The following STXBP5 variants were observed in gnomAD, a reference collection of about 807,000 sequenced individuals.
STXBP5 encodes syntaxin-binding protein 5.
Under a neutral mutation model 152.4 loss-of-function variants are expected in STXBP5, and 50 were observed. The observed-to-expected ratio is 0.33, with a 90% CI of 0.26 to 0.42. The LOEUF (loss-of-function observed/expected upper bound fraction) is 0.42, where lower values mean the gene tolerates loss of function less well. Among genes scored for constraint, STXBP5 ranks in the 10% least tolerant of loss-of-function variants. The pLI, the probability that STXBP5 is intolerant of heterozygous loss-of-function variation, is 1.00. For synonymous variants in STXBP5, 492 were observed against 494.7 expected (o/e 0.99, Z 0.07); for missense variants, 1,167 against 1,388.6 (o/e 0.84, Z 2.54).
intron 22 of STXBP5, among the ~76,000 whole-genome samples, chr6:147,356,386 G>A (rs1784816580): frequency 6.6e-6 from 1 of 151,770 alleles, no homozygotes; most frequent in Non-Finnish European, 1.5e-5. Context: ...CAAGTAACAA[G>A]TGTATTTATC....
chr6:147,344,481 T>A (rs1784229700), intron 21 of STXBP5, among the ~76,000 whole-genome samples: 1 of 152,232 alleles, frequency 6.6e-6, no homozygotes, highest in Non-Finnish European at 1.5e-5. Context: ...ACTGGGAGGC[T>A]TAAACAATTC....
chr6:147,213,187 A>G (rs1329766508), intron 2 of STXBP5, among the ~76,000 whole-genome samples: 2 of 152,178 alleles, frequency 1.3e-5, no homozygotes, highest in Admixed American at 6.5e-5. Context: ...AGTATCACTA[A>G]AGATAAGCTT....
At chr6:147,355,121 G>A (rs1438457667) in intron 22 of STXBP5, among the ~76,000 whole-genome samples, 1 of 152,192 alleles carries the variant, frequency 6.6e-6, no homozygotes, top group Non-Finnish European at 1.5e-5. Context: ...CCTGGATTCT[G>A]TAACCCAGAA....
intron 18 of STXBP5, among the ~76,000 whole-genome samples, chr6:147,329,617 CTTTTTTTTTTTTTT>C (rs34913817): frequency 1.4e-5 from 1 of 71,706 alleles, no homozygotes; most frequent in Non-Finnish European, 2.4e-5. Context: ...GTTCTTCAGG[CTTTTTTTTTTTTTT>C]TTTTTTTTTT....
chr6:147,228,984 A>G (rs1170240300), intron 2 of STXBP5, among the ~76,000 whole-genome samples: 1 of 152,038 alleles, frequency 6.6e-6, no homozygotes, highest in Non-Finnish European at 1.5e-5. Context: ...AGAATATTGA[A>G]TTTTCTTTGT....
At chr6:147,315,768 T>G (rs747584170) in intron 15 of STXBP5, 33 bp downstream of exon 15, 1 of 1,574,592 alleles carries the variant, frequency 6.4e-7, no homozygotes, top group Non-Finnish European at 8.7e-7. Flanking sequence ...CATGGTCAAG[T>G]TATTTTCATC....
chr6:147,387,734 T>C lies in STXBP5; in HGVS notation c.*2979T>C, dbSNP rs1786408118. ...ATGCTGCTACTTGTCTATGTTATTA[T>C]GTGTAAGTATATTACAATTTAATTA... On this transcript the variant is annotated 3_prime_UTR_variant, in exon 28 of 28. Coordinates refer to ENST00000321680, the MANE Select transcript of STXBP5 (RefSeq NM_001127715.4). 2 of 151,816 alleles carry C rather than the reference T, an allele frequency of 1.3e-5. No homozygotes were observed. The highest frequency in any genetic ancestry group is 2.1e-4 in the South Asian group (1 of 4,838). 9.4% of individuals were successfully genotyped at this position (151,816 alleles called of 1,614,324 possible). A position where few individuals can be genotyped will look rare whatever the true frequency, so the allele number is the denominator to read the frequency against.
chr6:147,383,801 T>G (rs925954198), intron 27 of STXBP5, among the ~76,000 whole-genome samples: 4 of 152,040 alleles, frequency 2.6e-5, no homozygotes, highest in African/African-American at 7.2e-5. Flanking sequence ...AAAAGTCATT[T>G]CCTCCTTGCT....
At chr6:147,213,477 T>TGTGTGTGTGTGTGTGTGTGTGTGTGC in intron 2 of STXBP5, among the ~76,000 whole-genome samples, 3 of 131,324 alleles carry the variant, frequency 2.3e-5, no homozygotes, top group African/African-American at 9.6e-5. Context: ...TGTGTGTGTG[T>TGTGTGTGTGTGTGTGTGTGTGTGTGC]GCGCGCGCAT....
At chr6:147,379,812 A>G (rs1314569035) in intron 26 of STXBP5, among the ~76,000 whole-genome samples, 2 of 152,160 alleles carry the variant, frequency 1.3e-5, no homozygotes, top group African/African-American at 4.8e-5. Flanking sequence ...TACAAGATCA[A>G]TATAGAAAAT....
At chr6:147,282,654 T>A (rs1780757024) in intron 8 of STXBP5, among the ~76,000 whole-genome samples, 1 of 152,192 alleles carries the variant, frequency 6.6e-6, no homozygotes, top group Non-Finnish European at 1.5e-5. Context: ...TTTGGCTTGT[T>A]TCTCTCCCAT....
At chr6:147,322,059 A>C (rs762731016) in intron 16 of STXBP5, among the ~76,000 whole-genome samples, 12 of 152,160 alleles carry the variant, frequency 7.9e-5, no homozygotes, top group Non-Finnish European at 1.3e-4. Context: ...GTGCCCATAT[A>C]TGTACTTCTA....
At chr6:147,290,930 C>A (rs1781247258) in intron 8 of STXBP5, among the ~76,000 whole-genome samples, 164 bp from the exon 9 acceptor site, 1 of 151,846 alleles carries the variant, frequency 6.6e-6, no homozygotes, top group South Asian at 2.1e-4. Flanking sequence ...TTTGCTTGAT[C>A]ATTTAAAAAA....
At chr6:147,276,157 CT>C (rs1294531205) in intron 7 of STXBP5, among the ~76,000 whole-genome samples, 2 of 152,150 alleles carry the variant, frequency 1.3e-5, no homozygotes, top group African/African-American at 4.8e-5. Context: ...ATGGTAGATA[CT>C]GTATACATAT....
chr6:147,231,220 T>A (rs1777989693), intron 2 of STXBP5, among the ~76,000 whole-genome samples: 1 of 151,940 alleles, frequency 6.6e-6, no homozygotes, highest in African/African-American at 2.4e-5. Flanking sequence ...TATTTCTTTT[T>A]TTCCTATTGC....
intron 21 of STXBP5, among the ~76,000 whole-genome samples, chr6:147,343,186 A>G (rs1311658235): frequency 4.6e-5 from 7 of 152,126 alleles, no homozygotes; most frequent in Admixed American, 1.3e-4. Context: ...GTATTTATTA[A>G]TGGAGGGAAA....
intron 18 of STXBP5, among the ~76,000 whole-genome samples, chr6:147,332,709 CTT>C (rs981396242): frequency 2.6e-5 from 4 of 152,142 alleles, no homozygotes; most frequent in Non-Finnish European, 5.9e-5. Flanking sequence ...TGGACTTTGA[CTT>C]TTACCCTGAG....
At chr6:147,359,928 A>G (rs1315946034) in intron 23 of STXBP5, among the ~76,000 whole-genome samples, 1 of 152,114 alleles carries the variant, frequency 6.6e-6, no homozygotes, top group Non-Finnish European at 1.5e-5. Flanking sequence ...AGAATCTACA[A>G]TGAACTCAAA....
Position 147,281,921 on chromosome 6 carries a change from A to G in STXBP5, c.838+3717A>G, listed in dbSNP as rs577262193. On this transcript the variant is annotated intron_variant, in intron 8 of 27. Coordinates refer to ENST00000321680, the MANE Select transcript of STXBP5 (RefSeq NM_001127715.4). ...AGTCATTTAACATTTTTGAGCCTTA[A>G]TATTCTCATCCATGAATACAAATAA... Among the ~76,000 whole-genome samples, 11 of 152,324 alleles carry G rather than the reference A, an allele frequency of 7.2e-5. No homozygotes were observed. The South Asian group carries it at 1.7e-3, about 23-fold the overall frequency.
Sources: gnomAD v4.1 joint callset for allele counts (sites outside exome capture counted in the v4.1 genomes callset) on GRCh38, gnomAD v4.1.1 for gene constraint, MANE v1.5 for transcripts, NCBI Gene and HGNC (gene_info 2026-07-23, HGNC 2026-07-21) for gene names.